The following BCR variants were observed in gnomAD, a reference collection of about 807,000 sequenced individuals.
BCR encodes breakpoint cluster region protein.
A neutral mutation model predicts 138.6 loss-of-function variants in BCR; 58 were observed. That is an observed-to-expected ratio of 0.42 (90% CI 0.34 to 0.52). BCR has a LOEUF of 0.52. Among genes scored for constraint, BCR ranks in the 20% least tolerant of loss-of-function variants. BCR has a pLI of 0.06. For synonymous variants in BCR, 786 were observed against 730.1 expected, an observed-to-expected ratio of 1.08 and a Z score of -1.23; for missense variants, 1,599 against 1,727.2, an observed-to-expected ratio of 0.93 and a Z score of 1.32.
chr22:23,187,449 G>A (rs74876487), intron 1 of BCR, among the ~76,000 whole-genome samples: 2,318 of 151,090 alleles, frequency 0.015, 54 homozygotes, highest in African/African-American at 0.054. Context: ...CAGCTGGCTC[G>A]ATATCAGTTG....
rs912072473 is a variant in BCR, at chr22:23,286,618, C to G, written c.2407-541C>G. Among the ~76,000 whole-genome samples the G allele has an allele frequency of 5.3e-5, 8 of 152,308 alleles. No individual in the cohort carries two copies. The East Asian group carries it at 1.5e-3, about 29-fold the overall frequency. ...GATGGGGTGGGGCCCTACCTGGTGA[C>G]AGGCAGCACAGTTTTCTCCTCCCCA... On this transcript the variant is annotated intron_variant, in intron 10 of 22. Transcript: ENST00000305877.
At position 23,273,675 on chromosome 22, in the gene BCR, C is replaced by T. The variant is rs749472719; in HGVS notation, c.2016C>T (p.Pro672=). 2.2e-5 allele frequency: 35 copies of T among 1,614,012 alleles called. No individual in the cohort carries two copies. Among genetic ancestry groups the T allele is most frequent in the Non-Finnish European group, 3.0e-5 (35 of 1,180,044 alleles). ...CTCCTGCCAGCCACCCTGACCACCC[C>T]TTGCTGCAGGACGCCCTCCGCATCT... The part of the protein sequence containing the change: ...KHTPASHPDH[P]LLQDALRISQ... The change falls in exon 8 of 23, where the codon CCC becomes CCT. Residue 672 remains proline, a synonymous_variant. Coordinates refer to ENST00000305877, the MANE Select transcript of BCR (RefSeq NM_004327.4).
chr22:23,283,916 C>T (rs1281702646), intron 8 of BCR, 61 bp from the exon 9 acceptor site: 12 of 1,488,072 alleles, frequency 8.1e-6, no homozygotes, highest in South Asian at 5.3e-5. Flanking sequence ...CTGGGAGGGC[C>T]GAACACCCCC....
chr22:23,229,867 G>A (rs1256955644), intron 1 of BCR, among the ~76,000 whole-genome samples: 1 of 152,168 alleles, frequency 6.6e-6, no homozygotes, highest in African/African-American at 2.4e-5. Flanking sequence ...GTGGCGCTTG[G>A]TTAGTGTAGA....
At chr22:23,295,001 TC>T in intron 15 of BCR, 22 bp from the exon 16 acceptor site, 1 of 1,612,950 alleles carries the variant, frequency 6.2e-7, no homozygotes, top group Non-Finnish European at 8.5e-7. Flanking sequence ...ACACTGGACT[TC>T]CCTTCTCCCT....
intron 1 of BCR, among the ~76,000 whole-genome samples, chr22:23,213,043 C>CA (rs2146222188): frequency 6.6e-6 from 1 of 152,322 alleles, no homozygotes; most frequent in South Asian, 2.1e-4. Flanking sequence ...CGGGCTTCCT[C>CA]ACGGAGTGCT....
chr22:23,303,070 C>T (rs912510620), intron 16 of BCR, among the ~76,000 whole-genome samples: 7 of 151,640 alleles, frequency 4.6e-5, no homozygotes, highest in African/African-American at 1.7e-4. Context: ...GGGCAAGTGC[C>T]TGGCTCAGCA....
intron 1 of BCR, among the ~76,000 whole-genome samples, chr22:23,224,873 C>T (rs2072870074): frequency 6.6e-6 from 1 of 152,124 alleles, no homozygotes; most frequent in African/African-American, 2.4e-5. Context: ...CAGAGCAAGA[C>T]TCCATCCCCC....
At chr22:23,308,149 A>G (rs1238450724) in intron 16 of BCR, among the ~76,000 whole-genome samples, 1 of 151,344 alleles carries the variant, frequency 6.6e-6, no homozygotes, top group Admixed American at 6.6e-5. Flanking sequence ...ATGGAAACAC[A>G]AGGCCAGATG....
intron 8 of BCR, among the ~76,000 whole-genome samples, chr22:23,275,662 C>G (rs1047382570): frequency 3.3e-5 from 5 of 152,236 alleles, no homozygotes; most frequent in African/African-American, 1.2e-4. Context: ...GAGAGCAAAC[C>G]TGTGACAAAC....
intron 1 of BCR, among the ~76,000 whole-genome samples, chr22:23,224,131 G>A (rs939803641): frequency 1.4e-4 from 22 of 152,308 alleles, no homozygotes; most frequent in African/African-American, 5.1e-4. Flanking sequence ...CAGATCTCTC[G>A]ACTGTGGCCG....
rs1196517207 is a variant in BCR at position 23,263,179 on chromosome 22, AGTCAGCC to A, written c.1752+1641_1752+1647del. The stretch of plus-strand genomic sequence containing the variant: ...GAGGAGGAGGAGGAGGCGGCTCGGG[AGTCAGCC>A]GCCTGCCCGGCTGCGGGGCCAGCGC... On this transcript the variant is annotated intron_variant, in intron 4 of 22. Coordinates refer to ENST00000305877, the MANE Select transcript of BCR (RefSeq NM_004327.4). 3 of 830,644 alleles carry A rather than the reference AGTCAGCC, an allele frequency of 3.6e-6. No individual in the cohort carries two copies. The Admixed American group carries it at 8.7e-5, about 24-fold the overall frequency. The allele number at this position is 830,644 out of a possible 1,614,324, so 51.5% of individuals were successfully genotyped here.
At chr22:23,223,549 C>G (rs986107106) in intron 1 of BCR, among the ~76,000 whole-genome samples, 1 of 152,194 alleles carries the variant, frequency 6.6e-6, no homozygotes, top group Non-Finnish European at 1.5e-5. Context: ...CTTCCCTCTT[C>G]TCCTGGTATC....
rs967954108 is a variant in BCR at position 23,290,278 on chromosome 22, C to T, written c.2708-61C>T. The T allele has an allele frequency of 7.2e-6, 11 of 1,524,452 alleles. No homozygotes were observed. In the African/African-American group the frequency reaches 1.4e-4, roughly 19 times the overall value. The allele number at this position is 1,524,452 out of a possible 1,614,324, so 94.4% of individuals were successfully genotyped here. ...ATGGTTGATTTTGAAGCAGAGTTAG[C>T]TTGTCACCTGCCTCCCTTTCCCGGG... is the stretch of plus-strand genomic sequence containing the variant. On this transcript the variant is annotated intron_variant, in intron 13 of 22. Transcript: ENST00000305877.
intron 1 of BCR, among the ~76,000 whole-genome samples, chr22:23,208,026 G>A (rs2072638703): frequency 6.6e-6 from 1 of 152,196 alleles, no homozygotes; most frequent in Admixed American, 6.5e-5. Flanking sequence ...CTTTGCTTTG[G>A]CTCATTGGCT....
intron 1 of BCR, among the ~76,000 whole-genome samples, chr22:23,222,466 G>A (rs1044570605): frequency 1.3e-5 from 2 of 152,234 alleles, no homozygotes; most frequent in Admixed American, 6.5e-5. Context: ...CAGATAAATT[G>A]CACAAGTGCT....
intron 16 of BCR, among the ~76,000 whole-genome samples, chr22:23,303,034 C>G (rs58491630): frequency 5.3e-5 from 8 of 149,794 alleles, no homozygotes; most frequent in Non-Finnish European, 8.9e-5. Context: ...TGGCCCCCCC[C>G]ACCCCAATTT....
chr22:23,187,678 C>T (rs865871488), intron 1 of BCR, among the ~76,000 whole-genome samples: 1 of 151,976 alleles, frequency 6.6e-6, no homozygotes, highest in Admixed American at 6.6e-5. Flanking sequence ...AATAATTGTA[C>T]CTATTTAGAG....
rs1489047519 is a variant in BCR, at chr22:23,262,740, C to T, written c.1752+1200C>T. 16 of 879,576 alleles carry T rather than the reference C, an allele frequency of 1.8e-5. No homozygotes were observed. The Admixed American group carries it at 1.8e-4, about 10-fold the overall frequency. The allele number at this position is 879,576 out of a possible 1,614,324, so 54.5% of individuals were successfully genotyped here. On this transcript the variant is annotated intron_variant, in intron 4 of 22. Coordinates refer to ENST00000305877, the MANE Select transcript of BCR (RefSeq NM_004327.4). ...CCGGGTGAGGGCGGGGGCGGAGAGGCGAAGAAGCTGCAGGAAGGGAGGGTG... is the reference window on the plus strand; with the variant it reads ...CCGGGTGAGGGCGGGGGCGGAGAGGTGAAGAAGCTGCAGGAAGGGAGGGTG...
Sources: gnomAD v4.1 joint callset for allele counts (sites outside exome capture counted in the v4.1 genomes callset) on GRCh38, gnomAD v4.1.1 for gene constraint, MANE v1.5 for transcripts, NCBI Gene and HGNC (gene_info 2026-07-23, HGNC 2026-07-21) for gene names.